The following SLC35E1 variants were observed in gnomAD, a reference collection of about 807,000 sequenced individuals.
SLC35E1 encodes solute carrier family 35 member E1.
SLC35E1 carries 12 observed loss-of-function variants against 31.0 expected under a neutral mutation model. The ratio of observed to expected loss-of-function variants is 0.39; its 90% CI spans 0.25 to 0.63. The LOEUF is 0.63. Ranked by LOEUF, SLC35E1 falls within the 20% of genes least tolerant of loss-of-function variation. The pLI, the probability that SLC35E1 is intolerant of heterozygous loss-of-function variation, is 0.52. For missense variants in SLC35E1, 429 were observed against 572.2 expected (o/e 0.75, Z 2.55); for synonymous variants, 257 against 264.1 (o/e 0.97, Z 0.26).
At position 16,552,144 on chromosome 19, in the gene SLC35E1, A is replaced by G. The variant is rs907904106; in HGVS notation, c.*1535T>C. 1.3e-5 allele frequency: 2 copies of G among 152,156 alleles called. No individual in the cohort carries two copies. The highest frequency in any genetic ancestry group is 4.8e-5 in the African/African-American group (2 of 41,426). 9.4% of individuals were successfully genotyped at this position (152,156 alleles called of 1,614,324 possible). The stretch of plus-strand genomic sequence containing the variant: ...CCCAGAACATGATTCAGATCCTAAC[A>G]TAAACACAAAAACAGGTCAGGGAAC... On this transcript the variant is annotated 3_prime_UTR_variant, in exon 6 of 6. Transcript: ENST00000595753.
Position 16,572,103 on chromosome 19 carries a change from C to A in SLC35E1, c.262G>T (p.Val88Phe). The A allele has an allele frequency of 6.6e-7, 1 of 1,513,466 alleles. No individual in the cohort carries two copies. The highest frequency in any genetic ancestry group is 8.8e-7 in the Non-Finnish European group (1 of 1,131,724). The allele number at this position is 1,513,466 out of a possible 1,614,324, so 93.8% of individuals were successfully genotyped here. A position where few individuals can be genotyped will look rare whatever the true frequency, so the allele number is the denominator to read the frequency against. The part of the protein sequence containing the change: ...RAWRVPPAPP[V>F]SGPGPSPHPS... ...TGCGGACTGGGTCCGGGGCCCGAGA[C>A]GGGCGGCGCGGGGGGCACGCGCCAG... The change falls in exon 1 of 6, where the codon GTC becomes TTC. Residue 88 changes from valine (V) to phenylalanine (F), a missense_variant. Transcript: ENST00000595753. This position sits in a 1 kb window ranked among gnomAD's most constrained non-coding sequence, Gnocchi z 4.1.
In SLC35E1 at chr19:16,565,100, A is replaced by G. The variant is rs547326097; in HGVS notation, c.756+1432T>C. ...CCTCCTCCTCACCGCAGGCACTTGC[A>G]TTCATTTATAACACATTCTCTGAAG... On this transcript the variant is annotated intron_variant, in intron 4 of 5. Transcript: ENST00000595753. 4.9e-4 allele frequency: 224 copies of G among 456,522 alleles called. 3 individuals are homozygous for G. Among genetic ancestry groups the G allele is most frequent in the South Asian group, 3.1e-3 (203 of 64,478 alleles). 28.3% of individuals were successfully genotyped at this position (456,522 alleles called of 1,614,324 possible).
At chr19:16,556,202 G>C (rs1018980055) in intron 4 of SLC35E1, among the ~76,000 whole-genome samples, 1 of 151,590 alleles carries the variant, frequency 6.6e-6, no homozygotes, top group Non-Finnish European at 1.5e-5. Flanking sequence ...AACAGAGCGA[G>C]ACTCTGTCTC....
At chr19:16,558,996 C>T (rs953715119) in intron 4 of SLC35E1, among the ~76,000 whole-genome samples, 1 of 151,660 alleles carries the variant, frequency 6.6e-6, no homozygotes, top group Non-Finnish European at 1.5e-5. Flanking sequence ...TCTTGAACTC[C>T]TGACCTTGTG....
chr19:16,559,463 T>C (rs867860657), intron 4 of SLC35E1, among the ~76,000 whole-genome samples: 3 of 142,304 alleles, frequency 2.1e-5, no homozygotes, highest in African/African-American at 5.4e-5. Context: ...CTACAAAAAA[T>C]ACACACACAC....
At position 16,553,182 on chromosome 19, in the gene SLC35E1, T is replaced by A. The variant is rs1265485636; in HGVS notation, c.*497A>T. 6.6e-6 allele frequency: 1 copy of A among 152,420 alleles called. No individual in the cohort carries two copies. The highest frequency in any genetic ancestry group is 1.5e-5 in the Non-Finnish European group (1 of 68,240). The allele number at this position is 152,420 out of a possible 1,614,324, so 9.4% of individuals were successfully genotyped here. On this transcript the variant is annotated 3_prime_UTR_variant, in exon 6 of 6. Transcript: ENST00000595753. Reference sequence around the variant, plus strand: ...GGGCTCCCTGTCTGCTTGGTGACCCTGTTGGTCCTATGCGTATCTGCGCCA... The same window carrying A: ...GGGCTCCCTGTCTGCTTGGTGACCCAGTTGGTCCTATGCGTATCTGCGCCA...
chr19:16,566,406 G>A, intron 4 of SLC35E1, 126 bp downstream of exon 4: 2 of 1,340,044 alleles, frequency 1.5e-6, no homozygotes, highest in Non-Finnish European at 2.0e-6. Context: ...ACTGACTGCT[G>A]AAAGCGCTGG....
chr19:16,556,650 A>G (rs1485801775), intron 4 of SLC35E1, among the ~76,000 whole-genome samples: 1 of 152,242 alleles, frequency 6.6e-6, no homozygotes, highest in East Asian at 1.9e-4. Context: ...GTCCCAGGAC[A>G]GGCAGACAGG....
At position 16,551,090 on chromosome 19, in the gene SLC35E1, T is replaced by C. The variant is rs955578119; in HGVS notation, c.*2589A>G. 6.6e-6 allele frequency: 1 copy of C among 152,162 alleles called. No individual in the cohort carries two copies. The highest frequency in any genetic ancestry group is 1.5e-5 in the Non-Finnish European group (1 of 68,022). 9.4% of individuals were successfully genotyped at this position (152,162 alleles called of 1,614,324 possible). A position where few individuals can be genotyped will look rare whatever the true frequency, so the allele number is the denominator to read the frequency against. ...GACAACTCCCGTAATATCTCCGCAG[T>C]GCAAAATTATCCCTGTTTCTTGTCA... On this transcript the variant is annotated 3_prime_UTR_variant, in exon 6 of 6. Transcript: ENST00000595753.
chr19:16,563,180 T>C (rs1378633095), intron 4 of SLC35E1, among the ~76,000 whole-genome samples: 2 of 151,846 alleles, frequency 1.3e-5, no homozygotes, highest in Admixed American at 1.3e-4. Flanking sequence ...AAAAATTAGC[T>C]GGGCGCGGTG....
intron 4 of SLC35E1, among the ~76,000 whole-genome samples, chr19:16,564,521 G>C (rs1234126239): frequency 3.9e-5 from 6 of 152,036 alleles, no homozygotes; most frequent in African/African-American, 1.4e-4. Flanking sequence ...GGCCAGGCTG[G>C]TCTTGAACTC....
chr19:16,560,687 C>T (rs2085900164), intron 4 of SLC35E1, among the ~76,000 whole-genome samples: 1 of 145,136 alleles, frequency 6.9e-6, no homozygotes, highest in African/African-American at 2.6e-5. Context: ...CATGGTGAAA[C>T]CCCGTCTCTA....
At chr19:16,570,950 T>C (rs953961661) in intron 2 of SLC35E1, among the ~76,000 whole-genome samples, 2 of 151,866 alleles carry the variant, frequency 1.3e-5, no homozygotes, top group African/African-American at 4.8e-5. Flanking sequence ...ACAAAAAAAT[T>C]AGCCAGGTGT....
intron 4 of SLC35E1, chr19:16,556,847 CAAG>C (rs2085877402): frequency 4.2e-6 from 2 of 471,132 alleles, no homozygotes; most frequent in Non-Finnish European, 8.8e-6. Flanking sequence ...CTCTCAAATG[CAAG>C]AAGACACGCT....
intron 4 of SLC35E1, among the ~76,000 whole-genome samples, chr19:16,562,013 C>T (rs1347349986): frequency 6.6e-6 from 1 of 151,768 alleles, no homozygotes; most frequent in Non-Finnish European, 1.5e-5. Flanking sequence ...CAGTGGGAGA[C>T]AGTCTCTACG....
chr19:16,551,897 G>A lies in SLC35E1; in HGVS notation c.*1782C>T, dbSNP rs1843345168. 1 of 152,072 alleles carries A rather than the reference G, an allele frequency of 6.6e-6. No individual in the cohort carries two copies. The highest frequency in any genetic ancestry group is 1.5e-5 in the Non-Finnish European group (1 of 68,094). 9.4% of individuals were successfully genotyped at this position (152,072 alleles called of 1,614,324 possible). On this transcript the variant is annotated 3_prime_UTR_variant, in exon 6 of 6. Coordinates refer to ENST00000595753, the MANE Select transcript of SLC35E1 (RefSeq NM_024881.5). ...AGCCTCCCAAGTAGCTGGGATTACA[G>A]GCAGGTGCCACCATGCCTGGCTAAT...
At position 16,568,017 on chromosome 19, in the gene SLC35E1, A is replaced by G; in HGVS notation, c.630+15T>C. 1.2e-6 allele frequency: 2 copies of G among 1,601,336 alleles called. No homozygotes were observed. The highest frequency in any genetic ancestry group is 1.1e-5 in the South Asian group (1 of 89,746). Reference sequence around the variant, plus strand: ...CCTGAAACCCCATGCATGTCCGCTGATGGTGACCAAATACCTTTTTGGAGA... The same window carrying G: ...CCTGAAACCCCATGCATGTCCGCTGGTGGTGACCAAATACCTTTTTGGAGA... On this transcript the variant is annotated intron_variant, in intron 3 of 5. Coordinates refer to ENST00000595753, the MANE Select transcript of SLC35E1 (RefSeq NM_024881.5).
At chr19:16,570,941 C>CA (rs1432459149) in intron 2 of SLC35E1, among the ~76,000 whole-genome samples, 4 of 151,776 alleles carry the variant, frequency 2.6e-5, no homozygotes, top group Admixed American at 2.6e-4. Flanking sequence ...ATTAAAAATA[C>CA]AAAAAAATTA....
chr19:16,569,467 C>T (rs2122350582), intron 2 of SLC35E1, among the ~76,000 whole-genome samples: 1 of 152,302 alleles, frequency 6.6e-6, no homozygotes, highest in South Asian at 2.1e-4. Flanking sequence ...AACATAGTGA[C>T]AGAGAGCCTT....
Sources: gnomAD v4.1 joint callset for allele counts (sites outside exome capture counted in the v4.1 genomes callset) on GRCh38, gnomAD v4.1.1 for gene constraint, Gnocchi (gnomAD v3.1) non-coding constraint, MANE v1.5 for transcripts, NCBI Gene and HGNC (gene_info 2026-07-23, HGNC 2026-07-21) for gene names.